COX7B2: variants seen among roughly 807,000 people sequenced by gnomAD.
The protein encoded by COX7B2 is cytochrome c oxidase subunit 7B2, mitochondrial.
For missense variants in COX7B2, 109 were observed against 95.9 expected (o/e 1.14, Z -0.57); for synonymous variants, 37 against 32.1 (o/e 1.15, Z -0.51).
intron 2 of COX7B2, among the ~76,000 whole-genome samples, chr4:46,756,394 G>A (rs1465747470): frequency 2.6e-5 from 4 of 151,944 alleles, no homozygotes; most frequent in Admixed American, 2.6e-4. Flanking sequence ...GCTAGGCAAA[G>A]AATTTATGAC....
chr4:46,888,620 A>AT (rs1719231498), intron 1 of COX7B2, among the ~76,000 whole-genome samples: 1 of 151,074 alleles, frequency 6.6e-6, no homozygotes, highest in Non-Finnish European at 1.5e-5. Flanking sequence ...ATTTTTTTGT[A>AT]TTTTTTTACT....
intron 2 of COX7B2, among the ~76,000 whole-genome samples, chr4:46,739,481 A>G (rs1006949454): frequency 2.0e-5 from 3 of 152,092 alleles, no homozygotes; most frequent in African/African-American, 7.2e-5. Context: ...TCATCAGCAC[A>G]ATGTCTACTC....
At position 46,881,987 on chromosome 4, in the gene COX7B2, C is replaced by T. The variant is rs113007579; in HGVS notation, c.-105+27173G>A. ...CTTCTGTGTCCCAGAGATTCTGCTACGTTGTATCTTTGTTCTCATTAGTTT... is the reference window on the plus strand; with the variant it reads ...CTTCTGTGTCCCAGAGATTCTGCTATGTTGTATCTTTGTTCTCATTAGTTT... On this transcript the variant is annotated intron_variant, in intron 1 of 2. Transcript: ENST00000355591. Among the ~76,000 whole-genome samples the T allele has an allele frequency of 1.3e-3, 205 of 152,180 alleles. 1 individual carries two copies. The highest frequency in any genetic ancestry group is 3.4e-3 in the African/African-American group (140 of 41,510).
chr4:46,844,699 T>C lies in COX7B2; in HGVS notation c.-50+261A>G, dbSNP rs554487218. Among the ~76,000 whole-genome samples the C allele has an allele frequency of 2.0e-5, 3 of 152,174 alleles. No homozygotes were observed. In the South Asian group the frequency reaches 6.2e-4, roughly 32 times the overall value. ...GTTCGTGTAGTTAAGACTATCAAGT[T>C]AGTCTATCAAGTAAAACATTTACTG... On this transcript the variant is annotated intron_variant, in intron 2 of 2. Coordinates refer to ENST00000355591, the MANE Select transcript of COX7B2 (RefSeq NM_130902.3).
chr4:46,848,986 T>C (rs79173220), intron 1 of COX7B2, among the ~76,000 whole-genome samples: 2,546 of 152,192 alleles, frequency 0.017, 63 homozygotes, highest in African/African-American at 0.058. Flanking sequence ...ATGTAAATGC[T>C]ATGTAATTAC....
chr4:46,902,574 T>C (rs934455629), intron 1 of COX7B2, among the ~76,000 whole-genome samples: 3 of 152,250 alleles, frequency 2.0e-5, no homozygotes, highest in Admixed American at 2.0e-4. Flanking sequence ...ACTTTAGGTA[T>C]TGTCTTCTGA....
intron 2 of COX7B2, among the ~76,000 whole-genome samples, chr4:46,841,693 G>T (rs969826688): frequency 1.3e-5 from 2 of 151,804 alleles, no homozygotes; most frequent in Admixed American, 1.3e-4. Flanking sequence ...AAATCTCAAG[G>T]ACCAAGGAAA....
chr4:46,832,057 T>A (rs933460643), intron 2 of COX7B2, among the ~76,000 whole-genome samples: 6 of 152,160 alleles, frequency 3.9e-5, no homozygotes, highest in African/African-American at 1.2e-4. Flanking sequence ...CAGCAGGATG[T>A]GGGTGGGGCC....
At chr4:46,867,542 A>G (rs146436721) in intron 1 of COX7B2, among the ~76,000 whole-genome samples, 1 of 152,190 alleles carries the variant, frequency 6.6e-6, no homozygotes, top group Non-Finnish European at 1.5e-5. Context: ...GAATAGCCCA[A>G]CCCTTAATTT....
chr4:46,867,471 G>A (rs76238081), intron 1 of COX7B2, among the ~76,000 whole-genome samples: 1,685 of 152,266 alleles, frequency 0.011, 20 homozygotes, highest in Middle Eastern at 0.041. Flanking sequence ...CCAGCATCAC[G>A]ACAGTTTACA....
At chr4:46,853,533 A>AT (rs749828865) in intron 1 of COX7B2, among the ~76,000 whole-genome samples, 5 of 151,120 alleles carry the variant, frequency 3.3e-5, no homozygotes, top group African/African-American at 7.3e-5. Flanking sequence ...AGTTATGTAC[A>AT]TTTTTTTTTA....
chr4:46,819,539 T>TAAAAAAAAAAAAAAA (rs397959996), intron 2 of COX7B2, among the ~76,000 whole-genome samples: 1 of 112,270 alleles, frequency 8.9e-6, no homozygotes, highest in Non-Finnish European at 1.9e-5. Flanking sequence ...GCTGATGAGC[T>TAAAAAAAAAAAAAAA]AAAAAAAAAA....
chr4:46,833,567 A>G (rs1350718282), intron 2 of COX7B2, among the ~76,000 whole-genome samples: 1 of 152,206 alleles, frequency 6.6e-6, no homozygotes, highest in Non-Finnish European at 1.5e-5. Context: ...GAGAAACTCA[A>G]TGAAAAATCT....
At chr4:46,832,814 G>T (rs565427740) in intron 2 of COX7B2, among the ~76,000 whole-genome samples, 1 of 151,924 alleles carries the variant, frequency 6.6e-6, no homozygotes, top group African/African-American at 2.4e-5. Context: ...GCTCCCCTTC[G>T]CCTTCTGCCA....
At chr4:46,792,950 C>T (rs1718127157) in intron 2 of COX7B2, among the ~76,000 whole-genome samples, 1 of 152,136 alleles carries the variant, frequency 6.6e-6, no homozygotes, top group African/African-American at 2.4e-5. Flanking sequence ...ATTGGATACA[C>T]CTAATCAACC....
intron 2 of COX7B2, among the ~76,000 whole-genome samples, chr4:46,841,375 T>TGTGTGTG (rs1560414303): frequency 3.0e-5 from 3 of 100,620 alleles, no homozygotes; most frequent in African/African-American, 3.4e-5. Context: ...GTGTGTGTGT[T>TGTGTGTG]TAAGATGGGC....
At chr4:46,777,951 C>A (rs1717248326) in intron 2 of COX7B2, among the ~76,000 whole-genome samples, 3 of 152,048 alleles carry the variant, frequency 2.0e-5, no homozygotes, top group Admixed American at 2.0e-4. Flanking sequence ...GCATGGATTT[C>A]CATCTTTTTT....
At chr4:46,879,917 C>T (rs1177500917) in intron 1 of COX7B2, among the ~76,000 whole-genome samples, 2 of 152,078 alleles carry the variant, frequency 1.3e-5, no homozygotes, top group African/African-American at 4.8e-5. Context: ...TTTTTTTCCT[C>T]TGTAGAGAGA....
At chr4:46,871,801 A>T (rs1198236013) in intron 1 of COX7B2, among the ~76,000 whole-genome samples, 3 of 152,034 alleles carry the variant, frequency 2.0e-5, no homozygotes, top group Non-Finnish European at 4.4e-5. Context: ...CACCAGTCAA[A>T]ATGGCTATTA....
Sources: allele counts gnomAD v4.1 joint callset (sites outside exome capture counted in the v4.1 genomes callset), GRCh38; gene constraint gnomAD v4.1.1; transcripts MANE v1.5; gene names NCBI Gene and HGNC (gene_info 2026-07-23, HGNC 2026-07-21).